NTRK3: variants seen among roughly 807,000 people sequenced by gnomAD.
NTRK3 encodes the protein neurotrophic receptor tyrosine kinase 3.
A neutral mutation model predicts 91.7 loss-of-function variants in NTRK3; 24 were observed. The observed-to-expected ratio is 0.26, with a 90% CI of 0.19 to 0.37. The LOEUF (loss-of-function observed/expected upper bound fraction) is 0.37, where lower values mean the gene tolerates loss of function less well. Ranked by LOEUF, NTRK3 falls within the 10% of genes least tolerant of loss-of-function variation. NTRK3 has a pLI of 1.00. For missense variants in NTRK3, 880 were observed against 1,068.9 expected (o/e 0.82, Z 2.46); for synonymous variants, 483 against 404.0 (o/e 1.20, Z -2.34).
exon 19 of NTRK3, chr15:87,876,870 G>A: frequency 6.4e-7 from 1 of 1,560,542 alleles, no homozygotes; most frequent in Non-Finnish European, 8.8e-7. Flanking sequence ...TTGTGAGGTG[G>A]AAGGGAGATG....
At chr15:87,921,555 G>T (rs1304209545) in intron 17 of NTRK3, among the ~76,000 whole-genome samples, 1 of 152,124 alleles carries the variant, frequency 6.6e-6, no homozygotes, top group Non-Finnish European at 1.5e-5. Context: ...TGCCTATGTG[G>T]ACATGAATAG....
intron 14 of NTRK3, among the ~76,000 whole-genome samples, chr15:88,032,187 C>T (rs2078599268): frequency 6.6e-6 from 1 of 152,024 alleles, no homozygotes; most frequent in African/African-American, 2.4e-5. Flanking sequence ...ACAGACAAGT[C>T]ATTGAGGCTC....
intron 13 of NTRK3, among the ~76,000 whole-genome samples, chr15:88,092,085 T>C (rs1051867155): frequency 3.3e-5 from 5 of 152,210 alleles, no homozygotes; most frequent in African/African-American, 1.2e-4. Flanking sequence ...CTGCCTTACA[T>C]AGGTGCAGCA....
At chr15:87,882,866 G>A (rs1190503339) in intron 17 of NTRK3, among the ~76,000 whole-genome samples, 1 of 151,892 alleles carries the variant, frequency 6.6e-6, no homozygotes, top group East Asian at 1.9e-4. Context: ...GGATAATGAT[G>A]ACTAAAAAGC....
At chr15:88,077,189 G>C (rs1184857548) in intron 13 of NTRK3, among the ~76,000 whole-genome samples, 1 of 152,094 alleles carries the variant, frequency 6.6e-6, no homozygotes, top group Non-Finnish European at 1.5e-5. Flanking sequence ...AAATATTTCT[G>C]CTCTACCTTC....
intron 13 of NTRK3, among the ~76,000 whole-genome samples, chr15:88,112,120 A>G (rs539785796): frequency 3.3e-5 from 5 of 151,974 alleles, no homozygotes; most frequent in Non-Finnish European, 5.9e-5. Context: ...GTTAGCCAGG[A>G]TGGTCTTGAT....
exon 6 of NTRK3, chr15:88,147,352 C>T (rs780466574): frequency 1.1e-5 from 18 of 1,613,490 alleles, no homozygotes; most frequent in Middle Eastern, 1.6e-4. Context: ...GAAGACTCAG[C>T]GTCTGGAAGA....
At chr15:88,136,556 T>A in exon 8 of NTRK3, 7 of 1,613,888 alleles carry the variant, frequency 4.3e-6, no homozygotes, top group Non-Finnish European at 5.9e-6. Context: ...ATAACAGCGT[T>A]GTCACCCTCT....
chr15:87,933,170 G>A (rs1414840129), exon 16 of NTRK3: 2 of 1,614,106 alleles, frequency 1.2e-6, no homozygotes, highest in Middle Eastern at 3.3e-4. Context: ...CAGCCAGGGT[G>A]GGATCCTTCA....
chr15:88,086,300 G>C (rs2048492745), intron 13 of NTRK3, among the ~76,000 whole-genome samples: 1 of 152,154 alleles, frequency 6.6e-6, no homozygotes, highest in Admixed American at 6.5e-5. Flanking sequence ...GTAGCCACTA[G>C]CTACATGCAA....
At chr15:87,984,837 G>A (rs377673366) in intron 14 of NTRK3, among the ~76,000 whole-genome samples, 1 of 152,116 alleles carries the variant, frequency 6.6e-6, no homozygotes, top group South Asian at 2.1e-4. Context: ...CAGTTTATAC[G>A]AGGTGTGTGA....
intron 14 of NTRK3, among the ~76,000 whole-genome samples, chr15:87,950,178 C>G (rs146919414): frequency 0.014 from 2,131 of 152,302 alleles, 21 homozygotes; most frequent in Middle Eastern, 0.048. Context: ...CACCAGAATT[C>G]TGGGCCAAGA....
intron 3 of NTRK3, among the ~76,000 whole-genome samples, chr15:88,238,883 C>T (rs2052049498): frequency 6.6e-6 from 1 of 152,206 alleles, no homozygotes; most frequent in Non-Finnish European, 1.5e-5. Flanking sequence ...CTGGAGTCAG[C>T]CTGGGCTGGA....
intron 14 of NTRK3, among the ~76,000 whole-genome samples, chr15:87,971,873 T>C (rs773521763): frequency 6.6e-6 from 1 of 152,192 alleles, no homozygotes; most frequent in Non-Finnish European, 1.5e-5. Context: ...AGGTCAGGAT[T>C]TCATGACTTT....
At chr15:88,177,794 G>C (rs932970603) in intron 5 of NTRK3, among the ~76,000 whole-genome samples, 2 of 152,222 alleles carry the variant, frequency 1.3e-5, no homozygotes, top group African/African-American at 4.8e-5. Context: ...AACAATTGGA[G>C]ACCAACATGT....
At chr15:88,219,829 A>G (rs879039653) in intron 3 of NTRK3, among the ~76,000 whole-genome samples, 5 of 152,188 alleles carry the variant, frequency 3.3e-5, no homozygotes, top group Admixed American at 2.0e-4. Context: ...TGCTCTCTGC[A>G]CCCCTCTGAG....
intron 13 of NTRK3, among the ~76,000 whole-genome samples, chr15:88,118,389 C>A (rs1233774429): frequency 6.6e-6 from 1 of 152,080 alleles, no homozygotes; most frequent in East Asian, 1.9e-4. Context: ...AGGAGGGGGT[C>A]TGTTGGAGCA....
At chr15:88,099,344 G>T in intron 13 of NTRK3, 1 of 201,508 alleles carries the variant, frequency 5.0e-6, no homozygotes, top group Admixed American at 6.0e-5. Flanking sequence ...GAAGGAACAT[G>T]GAAGAGAGAA....
chr15:88,135,130 T>C (rs775624230), exon 10 of NTRK3: 122 of 1,614,116 alleles, frequency 7.6e-5, no homozygotes, highest in South Asian at 3.6e-4. Flanking sequence ...GAAGTGGCCA[T>C]TGATGGTCTG....
Sources: allele counts gnomAD v4.1 joint callset (sites outside exome capture counted in the v4.1 genomes callset), GRCh38; gene constraint gnomAD v4.1.1; transcripts MANE v1.5; gene names NCBI Gene and HGNC (gene_info 2026-07-23, HGNC 2026-07-21).